SEMA4D: variants seen among roughly 807,000 people sequenced by gnomAD.
The protein encoded by SEMA4D is semaphorin-4D.
SEMA4D carries 22 observed loss-of-function variants against 74.8 expected under a neutral mutation model. That is an observed-to-expected ratio of 0.29 (90% CI 0.21 to 0.42). SEMA4D has a LOEUF of 0.42. Among genes scored for constraint, SEMA4D ranks in the 10% least tolerant of loss-of-function variants. The pLI, the probability that SEMA4D is intolerant of heterozygous loss-of-function variation, is 1.00. For synonymous variants in SEMA4D, 445 were observed against 463.7 expected (o/e 0.96, Z 0.52); for missense variants, 937 against 1,118.4 (o/e 0.84, Z 2.31).
At position 89,377,690 on chromosome 9, in the gene SEMA4D, C is replaced by T. The variant is rs1384248025; in HGVS notation, c.*1014G>A. The T allele has an allele frequency of 4.6e-5, 7 of 152,160 alleles. No individual in the cohort carries two copies. Among genetic ancestry groups the T allele is most frequent in the African/African-American group, 1.4e-4 (6 of 41,414 alleles). The allele number at this position is 152,160 out of a possible 1,614,324, so 9.4% of individuals were successfully genotyped here. On this transcript the variant is annotated 3_prime_UTR_variant, in exon 16 of 16. Coordinates refer to ENST00000422704, the MANE Select transcript of SEMA4D (RefSeq NM_001371194.2). ...GAAGCAAGAAGAGAAAGGAGATGTT[C>T]AGAGAACCAAAGGCGCCCTTGTGAA...
intron 1 of SEMA4D, among the ~76,000 whole-genome samples, chr9:89,458,083 G>A (rs1033555581): frequency 1.3e-5 from 2 of 152,128 alleles, no homozygotes; most frequent in Non-Finnish European, 2.9e-5. Context: ...AGGTGACCTT[G>A]TGTGGAAAGG....
intron 1 of SEMA4D, among the ~76,000 whole-genome samples, chr9:89,457,625 G>A (rs532560919): frequency 9.9e-5 from 15 of 152,184 alleles, no homozygotes; most frequent in Non-Finnish European, 2.1e-4. Flanking sequence ...CCGGCTACTC[G>A]AGAAGCTGAG....
chr9:89,389,722 G>T (rs1229433783), intron 9 of SEMA4D, among the ~76,000 whole-genome samples: 2 of 152,230 alleles, frequency 1.3e-5, no homozygotes, highest in Non-Finnish European at 2.9e-5. Flanking sequence ...ATATGAAATA[G>T]AAGCAGCCTT....
At chr9:89,373,247 C>T (rs779172694), downstream of SEMA4D, among the ~76,000 whole-genome samples, 99 of 152,342 alleles carry the variant, frequency 6.5e-4, no homozygotes, top group Non-Finnish European at 5.7e-4. Flanking sequence ...TCTGCACACA[C>T]CACAGGCTAT....
chr9:89,418,843 T>C (rs944604978), intron 2 of SEMA4D: 1 of 152,274 alleles, frequency 6.6e-6, no homozygotes, highest in Non-Finnish European at 1.5e-5. Context: ...TTGTTAAACC[T>C]TGGAATCAGA....
rs569140425 is a variant in SEMA4D, at chr9:89,447,504, C to T, written c.-244+8384G>A. 1.5e-3 allele frequency among the ~76,000 whole-genome samples: 228 copies of T among 152,166 alleles called. 1 individual carries two copies. The highest frequency in any genetic ancestry group is 5.2e-3 in the African/African-American group (216 of 41,506). On this transcript the variant is annotated intron_variant, in intron 2 of 15. Coordinates refer to ENST00000422704, the MANE Select transcript of SEMA4D (RefSeq NM_001371194.2). ...ATCCAGGGTGTTCTGTGCTCCCCGA[C>T]CCCCACCATGACCCACCCCAGATCC...
intron 1 of SEMA4D, among the ~76,000 whole-genome samples, chr9:89,464,297 AAAGG>A (rs1211647280): frequency 6.6e-6 from 1 of 152,222 alleles, no homozygotes; most frequent in African/African-American, 2.4e-5. Context: ...CTGTGAGAAA[AAAGG>A]AATGGCTGGA....
intron 2 of SEMA4D, among the ~76,000 whole-genome samples, chr9:89,448,546 G>A (rs1251305827): frequency 6.6e-6 from 1 of 152,228 alleles, no homozygotes; most frequent in Non-Finnish European, 1.5e-5. Flanking sequence ...GGAACAGGCT[G>A]CCGTGGGGGC....
chr9:89,467,734 G>C (rs992149158), intron 1 of SEMA4D, among the ~76,000 whole-genome samples: 3 of 152,042 alleles, frequency 2.0e-5, no homozygotes, highest in Non-Finnish European at 4.4e-5. Context: ...ATTTCACCAC[G>C]TTGGTCAGGC....
chr9:89,476,369 A>G (rs762242381), intron 1 of SEMA4D, among the ~76,000 whole-genome samples: 1 of 152,226 alleles, frequency 6.6e-6, no homozygotes, highest in Non-Finnish European at 1.5e-5. Context: ...GCTGTGCCAC[A>G]GTACCCAGAT....
chr9:89,412,515 C>T (rs550156039), intron 2 of SEMA4D, among the ~76,000 whole-genome samples: 34 of 152,312 alleles, frequency 2.2e-4, no homozygotes, highest in Middle Eastern at 3.4e-3. Context: ...ATTGCTTTTA[C>T]CTTGGACCAA....
intron 1 of SEMA4D, among the ~76,000 whole-genome samples, chr9:89,485,657 G>A (rs572075602): frequency 9.9e-5 from 15 of 151,840 alleles, no homozygotes; most frequent in South Asian, 6.2e-4. Context: ...GCATGGTGGC[G>A]CATGCCTGTA....
intron 2 of SEMA4D, among the ~76,000 whole-genome samples, chr9:89,454,714 C>T (rs1349259368): frequency 6.6e-6 from 1 of 152,234 alleles, no homozygotes; most frequent in Non-Finnish European, 1.5e-5. Context: ...GGGCAGCATT[C>T]TGCACAGGGT....
rs1825052081 is a variant in SEMA4D, at chr9:89,484,927, T to C, written c.-310+12992A>G. Among the ~76,000 whole-genome samples, 2 of 151,500 alleles carry C rather than the reference T, an allele frequency of 1.3e-5. 1 individual carries two copies. The highest frequency in any genetic ancestry group is 3.9e-4 in the East Asian group (2 of 5,160). ...TATGGGGTGTGTGGTGTGATGTGTA[T>C]GTGTGTGTTGTTTGGTGTGTGTGTA... On this transcript the variant is annotated intron_variant, in intron 1 of 15. Transcript: ENST00000422704. The surrounding 1 kb of genome is among the most constrained non-coding windows in gnomAD (Gnocchi z 4.1).
intron 9 of SEMA4D, 124 bp from the exon 10 acceptor site, chr9:89,389,171 C>T (rs536800659): frequency 2.7e-5 from 26 of 950,878 alleles, no homozygotes; most frequent in Middle Eastern, 2.2e-4. Context: ...AAACAAAGCT[C>T]GGGCAACAGG....
intron 13 of SEMA4D, chr9:89,386,072 T>A (rs1249796931): frequency 1.7e-5 from 17 of 985,462 alleles, no homozygotes; most frequent in Admixed American, 6.1e-5. Context: ...GGTGTCTTCA[T>A]GGAGCAGTGC....
chr9:89,396,665 G>A (rs2133378453), intron 6 of SEMA4D, 72 bp downstream of exon 6: 2 of 1,273,260 alleles, frequency 1.6e-6, no homozygotes, highest in East Asian at 2.5e-5. Flanking sequence ...CTTTACGTCT[G>A]CTTTGAGCCC....
downstream of SEMA4D, chr9:89,376,800 C>T: frequency 1.3e-6 from 2 of 1,526,358 alleles, no homozygotes; most frequent in Non-Finnish European, 8.9e-7. Context: ...GACAGATGGA[C>T]AGGGCACAGG....
chr9:89,437,456 C>T (rs764037669), intron 2 of SEMA4D, among the ~76,000 whole-genome samples: 5 of 152,204 alleles, frequency 3.3e-5, no homozygotes, highest in Non-Finnish European at 7.4e-5. Context: ...TCTGACACTG[C>T]AGGTGTGGCC....
Sources: gnomAD v4.1 joint callset for allele counts (sites outside exome capture counted in the v4.1 genomes callset) on GRCh38, gnomAD v4.1.1 for gene constraint, Gnocchi (gnomAD v3.1) non-coding constraint, MANE v1.5 for transcripts, NCBI Gene and HGNC (gene_info 2026-07-23, HGNC 2026-07-21) for gene names.